The following PLEKHA7 variants were observed in gnomAD, a reference collection of about 807,000 sequenced individuals.
PLEKHA7 encodes pleckstrin homology domain-containing family A member 7.
PLEKHA7 carries 104 observed loss-of-function variants against 170.0 expected under a neutral mutation model. The observed-to-expected ratio is 0.61, with a 90% confidence interval of 0.52 to 0.72. The LOEUF (loss-of-function observed/expected upper bound fraction) is 0.72. PLEKHA7 is among the 30% of genes least tolerant of loss of function. PLEKHA7 has a pLI of 0.00. For missense variants in PLEKHA7, 1,615 were observed against 1,671.7 expected (o/e 0.97, Z 0.59); for synonymous variants, 648 against 660.8 (o/e 0.98, Z 0.30).
chr11:16,863,714 T>A (rs552034929), intron 4 of PLEKHA7, among the ~76,000 whole-genome samples: 1 of 152,094 alleles, frequency 6.6e-6, no homozygotes, highest in Non-Finnish European at 1.5e-5. Flanking sequence ...AAAACACTCC[T>A]GTACACGGGC....
At chr11:16,814,654 G>A (rs1296924046) in intron 12 of PLEKHA7, among the ~76,000 whole-genome samples, 3 of 152,250 alleles carry the variant, frequency 2.0e-5, no homozygotes, top group Non-Finnish European at 4.4e-5. Flanking sequence ...TCCTGAGCAA[G>A]TCACTTCCCC....
At position 16,777,558 on chromosome 11, in the gene PLEKHA7, T is replaced by A. The variant is rs1455558525; in HGVS notation, c.*1440A>T. 1.3e-5 allele frequency: 2 copies of A among 152,230 alleles called. No individual in the cohort carries two copies. The highest frequency in any genetic ancestry group is 2.9e-5 in the Non-Finnish European group (2 of 68,042). The allele number at this position is 152,230 out of a possible 1,614,324, so 9.4% of individuals were successfully genotyped here. Reference sequence around the variant, plus strand: ...GTCAAAGAGAAATTTTCATTTAAAGTGTGGCTCCACCCAATGGAGGTTTTC... The same window carrying A: ...GTCAAAGAGAAATTTTCATTTAAAGAGTGGCTCCACCCAATGGAGGTTTTC... On this transcript the variant is annotated 3_prime_UTR_variant, in exon 27 of 27. Transcript: ENST00000531066.
At chr11:16,958,210 A>G (rs11024090) in intron 3 of PLEKHA7, among the ~76,000 whole-genome samples, 134,910 of 151,928 alleles carry the variant, frequency 0.89, 59,927 homozygotes, top group South Asian at 0.92. Context: ...CTACGTACTC[A>G]GGAGGCTAAG....
rs7103878 is a variant in PLEKHA7, at chr11:16,818,493, C to A, written c.1344-1171G>T. ...TAGGATGCTGGCTCATGCCTTCCCC[C>A]ACGTGGACCTTCTGTAGTGCCACAG... On this transcript the variant is annotated intron_variant, in intron 10 of 26. Coordinates refer to ENST00000531066, the MANE Select transcript of PLEKHA7 (RefSeq NM_001329630.2). 9.6e-3 allele frequency among the ~76,000 whole-genome samples: 1,456 copies of A among 152,344 alleles called. 16 individuals carry two copies. Among genetic ancestry groups the A allele is most frequent in the African/African-American group, 0.033 (1,381 of 41,578 alleles).
chr11:16,782,045 G>T (rs908102435), intron 26 of PLEKHA7, among the ~76,000 whole-genome samples: 6 of 151,924 alleles, frequency 3.9e-5, no homozygotes, highest in African/African-American at 1.5e-4. Flanking sequence ...CTCCTTCCTG[G>T]CTGAGAGAAA....
At chr11:16,934,324 C>T (rs893513034) in intron 3 of PLEKHA7, among the ~76,000 whole-genome samples, 5 of 152,124 alleles carry the variant, frequency 3.3e-5, no homozygotes, top group Admixed American at 1.3e-4. Flanking sequence ...ATGCCAACCT[C>T]GCTTGATAAA....
At chr11:16,842,043 T>C (rs903249318) in intron 8 of PLEKHA7, among the ~76,000 whole-genome samples, 6 of 152,202 alleles carry the variant, frequency 3.9e-5, no homozygotes, top group Non-Finnish European at 1.5e-5. Flanking sequence ...CCTCATTTCA[T>C]AGAGGCAGAC....
At chr11:16,962,080 G>A (rs12278828) in intron 3 of PLEKHA7, among the ~76,000 whole-genome samples, 8,893 of 152,220 alleles carry the variant, frequency 0.058, 845 homozygotes, top group African/African-American at 0.2. Context: ...ACCTTTAATC[G>A]ATTCTTTTTC....
At chr11:16,905,655 GA>G (rs1565097432) in intron 3 of PLEKHA7, among the ~76,000 whole-genome samples, 4 of 152,146 alleles carry the variant, frequency 2.6e-5, no homozygotes, top group Non-Finnish European at 4.4e-5. Context: ...CCTCAGAAAT[GA>G]CTGGAGAGGG....
At chr11:16,909,308 C>G (rs1056013116) in intron 3 of PLEKHA7, among the ~76,000 whole-genome samples, 1 of 152,174 alleles carries the variant, frequency 6.6e-6, no homozygotes, top group African/African-American at 2.4e-5. Context: ...TCTATGTTCA[C>G]ACAGAAACAG....
intron 3 of PLEKHA7, among the ~76,000 whole-genome samples, chr11:16,891,102 A>G (rs1856582277): frequency 2.2e-5 from 2 of 91,356 alleles, no homozygotes; most frequent in African/African-American, 5.9e-5. Context: ...CTTTTTAGAG[A>G]TGGGGTCTTG....
At chr11:16,923,206 T>C (rs567317233) in intron 3 of PLEKHA7, among the ~76,000 whole-genome samples, 4 of 152,236 alleles carry the variant, frequency 2.6e-5, no homozygotes, top group African/African-American at 4.8e-5. Context: ...TATGCAGCCA[T>C]GGCCAGCAGG....
Position 16,806,112 on chromosome 11 carries a change from G to A in PLEKHA7, c.2008-2817C>T, listed in dbSNP as rs76333776. Among the ~76,000 whole-genome samples the A allele has an allele frequency of 6.3e-3, 954 of 152,300 alleles. 8 individuals are homozygous for A. Among genetic ancestry groups the A allele is most frequent in the African/African-American group, 0.022 (909 of 41,554 alleles). On this transcript the variant is annotated intron_variant, in intron 13 of 26. Transcript: ENST00000531066. ...AAGCCCAGCCAGGGCCTAGCATATT[G>A]AAGAAATTCGGGCAATGTTTGCTCA... is the stretch of plus-strand genomic sequence containing the variant.
At chr11:16,957,308 TAGAAA>T (rs1861758699) in intron 3 of PLEKHA7, among the ~76,000 whole-genome samples, 1 of 152,194 alleles carries the variant, frequency 6.6e-6, no homozygotes, top group Non-Finnish European at 1.5e-5. Flanking sequence ...AGGAATTGGT[TAGAAA>T]ATTCTGGTAT....
chr11:16,806,933 T>TG (rs1182888820), intron 13 of PLEKHA7, among the ~76,000 whole-genome samples: 1 of 151,988 alleles, frequency 6.6e-6, no homozygotes, highest in Admixed American at 6.6e-5. Context: ...GCACAAAACA[T>TG]GGAGTCACAG....
At chr11:16,824,581 T>C (rs1028861618) in intron 10 of PLEKHA7, among the ~76,000 whole-genome samples, 2 of 152,228 alleles carry the variant, frequency 1.3e-5, no homozygotes, top group African/African-American at 4.8e-5. Context: ...CGCATTCGAA[T>C]TCACTTACGA....
intron 3 of PLEKHA7, among the ~76,000 whole-genome samples, chr11:16,907,548 T>A (rs1457706418): frequency 7.2e-5 from 8 of 111,136 alleles, no homozygotes; most frequent in African/African-American, 1.3e-4. Context: ...AGCCGCCCCG[T>A]CCGGGAGGGA....
chr11:16,871,234 C>A, intron 3 of PLEKHA7, 52 bp from the exon 4 acceptor site: 1 of 1,393,660 alleles, frequency 7.2e-7, no homozygotes, highest in Non-Finnish European at 1.0e-6. Flanking sequence ...GGAAGGAGTA[C>A]AGACACGACA....
At chr11:16,882,797 T>C (rs993985359) in intron 3 of PLEKHA7, among the ~76,000 whole-genome samples, 6 of 152,124 alleles carry the variant, frequency 3.9e-5, no homozygotes, top group African/African-American at 9.7e-5. Context: ...TATAATCCAA[T>C]AGAATAGACT....
Sources: gnomAD v4.1 joint callset for allele counts (sites outside exome capture counted in the v4.1 genomes callset) on GRCh38, gnomAD v4.1.1 for gene constraint, MANE v1.5 for transcripts, NCBI Gene and HGNC (gene_info 2026-07-23, HGNC 2026-07-21) for gene names.